EXOC4: variants seen among roughly 807,000 people sequenced by gnomAD.
The protein encoded by EXOC4 is SEC8-like 1.
EXOC4 carries 71 observed loss-of-function variants against 107.2 expected under a neutral mutation model. That is an observed-to-expected ratio of 0.66 (90% CI 0.55 to 0.81). The LOEUF is 0.81. Among genes scored for constraint, EXOC4 ranks in the 30% least tolerant of loss-of-function variants. EXOC4 has a pLI of 0.00. For synonymous variants in EXOC4, 456 were observed against 441.2 expected (o/e 1.03, Z -0.42); for missense variants, 1,108 against 1,189.6 (o/e 0.93, Z 1.01).
intron 9 of EXOC4, among the ~76,000 whole-genome samples, chr7:133,604,706 CTTTCTTTTTTTTTTTTT>C (rs1354148121): frequency 1.4e-4 from 12 of 87,558 alleles, no homozygotes; most frequent in African/African-American, 3.1e-4. Flanking sequence ...TTCCTTCCTT[CTTTCTTTTTTTTTTTTT>C]TTTTTTTTTT....
intron 2 of EXOC4, among the ~76,000 whole-genome samples, chr7:133,281,958 C>G (rs1794164451): frequency 6.6e-6 from 1 of 152,166 alleles, no homozygotes; most frequent in African/African-American, 2.4e-5. Flanking sequence ...CCAACTTGGC[C>G]TCCCAAAGTT....
the EXOC4 span, among the ~76,000 whole-genome samples, chr7:134,087,585 A>G: frequency 2.0e-5 from 3 of 152,164 alleles, no homozygotes; most frequent in Admixed American, 2.0e-4. Flanking sequence ...AAACAAGCTG[A>G]TATGGGGTTG....
chr7:133,355,181 C>G (rs991363519), intron 5 of EXOC4, among the ~76,000 whole-genome samples: 1 of 152,148 alleles, frequency 6.6e-6, no homozygotes, highest in Admixed American at 6.5e-5. Flanking sequence ...CTTAGAATGG[C>G]TTGTAGTCTG....
intron 9 of EXOC4, among the ~76,000 whole-genome samples, chr7:133,540,976 A>G (rs1309508082): frequency 1.3e-5 from 2 of 152,104 alleles, no homozygotes; most frequent in African/African-American, 2.4e-5. Flanking sequence ...TGTTTTTTTT[A>G]ATTCTAGGAA....
In EXOC4 at chr7:133,971,361, T is replaced by TATAG. The variant is rs1489958236; in HGVS notation, c.2207-26130_2207-26129insTAGA. ...ATATATATATATATATATATATATA[T>TATAG]AGAGAGAGAGAGAGAGAGAGAGAGA... On this transcript the variant is annotated intron_variant, in intron 14 of 17. Transcript: ENST00000253861. Among the ~76,000 whole-genome samples the TATAG allele has an allele frequency of 2.0e-3, 151 of 75,054 alleles. 1 individual carries two copies. The highest frequency in any genetic ancestry group is 2.8e-3 in the East Asian group (6 of 2,106). The allele number at this position is 75,054 out of a possible 152,430, so 49.2% of individuals were successfully genotyped here.
chr7:134,077,613 G>A, the EXOC4 span, among the ~76,000 whole-genome samples: 92 of 152,266 alleles, frequency 6.0e-4, 1 homozygote, highest in South Asian at 0.017. Flanking sequence ...AACAAAGACC[G>A]CACCTGAATT....
At chr7:133,765,579 G>T (rs532117875) in intron 10 of EXOC4, among the ~76,000 whole-genome samples, 2 of 152,116 alleles carry the variant, frequency 1.3e-5, no homozygotes, top group Non-Finnish European at 2.9e-5. Context: ...TAAAAAGGGA[G>T]TGTGGTATTT....
chr7:133,284,795 G>T (rs1584777863), intron 2 of EXOC4, among the ~76,000 whole-genome samples: 1 of 152,078 alleles, frequency 6.6e-6, no homozygotes, highest in South Asian at 2.1e-4. Context: ...TCGGCCTCCC[G>T]AGGTGCTGGG....
chr7:133,983,178 A>C (rs1371971284), intron 14 of EXOC4, among the ~76,000 whole-genome samples: 1 of 152,148 alleles, frequency 6.6e-6, no homozygotes, highest in Non-Finnish European at 1.5e-5. Context: ...ATCTTGCAAG[A>C]ACTCACTCAC....
intron 2 of EXOC4, among the ~76,000 whole-genome samples, chr7:133,277,544 A>G (rs1461067594): frequency 6.6e-6 from 1 of 152,216 alleles, no homozygotes; most frequent in Non-Finnish European, 1.5e-5. Context: ...TGATCATTTC[A>G]CATTTGTTTT....
At chr7:133,387,075 T>G (rs1796744955) in intron 7 of EXOC4, among the ~76,000 whole-genome samples, 1 of 152,202 alleles carries the variant, frequency 6.6e-6, no homozygotes, top group Admixed American at 6.5e-5. Context: ...GGATGCACAA[T>G]TAGAATGGCC....
At chr7:133,445,741 G>A (rs766302648) in intron 7 of EXOC4, among the ~76,000 whole-genome samples, 2 of 152,140 alleles carry the variant, frequency 1.3e-5, no homozygotes, top group Non-Finnish European at 2.9e-5. Context: ...GTTATCTGGT[G>A]TGTTGTTACC....
At chr7:133,688,620 T>C (rs1468557855) in intron 10 of EXOC4, among the ~76,000 whole-genome samples, 1 of 152,164 alleles carries the variant, frequency 6.6e-6, no homozygotes, top group Non-Finnish European at 1.5e-5. Context: ...TATCTTTCAG[T>C]ATTGGCAAAA....
chr7:133,690,217 C>G (rs981866606), intron 10 of EXOC4, among the ~76,000 whole-genome samples: 1 of 152,156 alleles, frequency 6.6e-6, no homozygotes, highest in African/African-American at 2.4e-5. Context: ...TCAGTCCAAA[C>G]CAATAGCCTC....
At chr7:134,004,337 A>G (rs4731991) in intron 15 of EXOC4, among the ~76,000 whole-genome samples, 110,290 of 152,020 alleles carry the variant, frequency 0.73, 40,618 homozygotes, top group East Asian at 0.91. Context: ...GTAGTTACTC[A>G]CAGCACCTTA....
chr7:133,380,346 C>T (rs1796589074), intron 7 of EXOC4, among the ~76,000 whole-genome samples: 1 of 151,776 alleles, frequency 6.6e-6, no homozygotes, highest in Admixed American at 6.6e-5. Flanking sequence ...GTTTAAACAG[C>T]TTTATTGAAA....
chr7:133,548,956 G>A (rs889491792), intron 9 of EXOC4, among the ~76,000 whole-genome samples: 4 of 152,120 alleles, frequency 2.6e-5, no homozygotes, highest in Non-Finnish European at 5.9e-5. Flanking sequence ...GGCTTTCTAC[G>A]TGCCTTCCTC....
rs116466692 is a variant in EXOC4 at position 133,751,481 on chromosome 7, G to A, written c.1515-65844G>A. 5.8e-3 allele frequency among the ~76,000 whole-genome samples: 878 copies of A among 152,262 alleles called. 9 individuals are homozygous for A. Among genetic ancestry groups the A allele is most frequent in the African/African-American group, 0.02 (838 of 41,542 alleles). Reference sequence around the variant, plus strand: ...TTGATTTGTCAGCATGTAAGGGGGTGTTACATCTTTTCAGAAACTGCTTGG... The same window carrying A: ...TTGATTTGTCAGCATGTAAGGGGGTATTACATCTTTTCAGAAACTGCTTGG... On this transcript the variant is annotated intron_variant, in intron 10 of 17. Transcript: ENST00000253861.
chr7:134,010,068 T>A (rs1794729349), intron 17 of EXOC4: 1 of 152,160 alleles, frequency 6.6e-6, no homozygotes, highest in South Asian at 2.1e-4. Context: ...CTGACATGGA[T>A]TTTTGACAGG....
Sources: allele counts gnomAD v4.1 joint callset (sites outside exome capture counted in the v4.1 genomes callset), GRCh38; gene constraint gnomAD v4.1.1; transcripts MANE v1.5; gene names NCBI Gene and HGNC (gene_info 2026-07-23, HGNC 2026-07-21).